The following OR9Q1 variants were observed in gnomAD, a reference collection of about 807,000 sequenced individuals.
The protein encoded by OR9Q1 is olfactory receptor family 9 subfamily Q member 1, also known as olfactory receptor 9Q1.
For missense variants in OR9Q1, 374 were observed against 378.8 expected (o/e 0.99, Z 0.11); for synonymous variants, 153 against 148.6 (o/e 1.03, Z -0.22).
rs148463462 is a variant in OR9Q1 at position 58,031,776 on chromosome 11, A to G, written c.-93+7672A>G. ...AAGGTGACCTCCTCCATCAACTTCA[A>G]CAAGGTGGTATCTGTCTTCTACTCT... On this transcript the variant is annotated intron_variant, in intron 1 of 2. Transcript: ENST00000335397. The G allele has an allele frequency of 2.6e-4, 414 of 1,613,974 alleles. 2 individuals carry two copies. In the African/African-American group the frequency reaches 5.1e-3, roughly 20 times the overall value.
chr11:58,129,236 C>T (rs1194168678), intron 2 of OR9Q1, among the ~76,000 whole-genome samples: 3 of 144,756 alleles, frequency 2.1e-5, no homozygotes, highest in Admixed American at 1.4e-4. Context: ...CAGAGCAATT[C>T]GTGTGTGTGT....
Position 58,119,371 on chromosome 11 carries a change from A to G in OR9Q1, c.-14-60060A>G, listed in dbSNP as rs778844925. 3.9e-5 allele frequency: 63 copies of G among 1,613,830 alleles called. No homozygotes were observed. In the Middle Eastern group the frequency reaches 4.9e-4, roughly 13 times the overall value. On this transcript the variant is annotated intron_variant, in intron 2 of 2. Coordinates refer to ENST00000335397, the MANE Select transcript of OR9Q1 (RefSeq NM_001005212.4). ...ACTCAGAAACACCAGAAAGAGGGGA[A>G]TCTCCAATTTGGGGTGGTCCATAAA...
At chr11:58,026,295 TC>T (rs764298315) in intron 1 of OR9Q1, among the ~76,000 whole-genome samples, 2 of 152,206 alleles carry the variant, frequency 1.3e-5, no homozygotes, top group African/African-American at 2.4e-5. Context: ...TTCAAAAATT[TC>T]CAGGAGTTAG....
intron 2 of OR9Q1, among the ~76,000 whole-genome samples, chr11:58,069,627 A>C (rs1328238044): frequency 6.6e-6 from 1 of 152,088 alleles, no homozygotes; most frequent in Non-Finnish European, 1.5e-5. Context: ...TAATCCCAGC[A>C]CTCTGGGAGG....
chr11:58,065,325 G>A (rs1252548126), intron 2 of OR9Q1, among the ~76,000 whole-genome samples: 2 of 149,372 alleles, frequency 1.3e-5, no homozygotes, highest in Admixed American at 6.7e-5. Context: ...GCAGATATCT[G>A]CATAGACAGA....
intron 2 of OR9Q1, chr11:58,118,521 G>A: frequency 2.5e-6 from 4 of 1,605,478 alleles, no homozygotes; most frequent in Non-Finnish European, 3.4e-6. Context: ...GGGACACCTG[G>A]AGTCTCCTAG....
rs1217951644 is a variant in OR9Q1, at chr11:58,050,341, AT to A, written c.-92-5528del. ...TTGACAAACCTGAGAAAAACAAGCAATGGGGAAAGGATTCCCTATTTAATAA... is the reference window on the plus strand; with the variant it reads ...TTGACAAACCTGAGAAAAACAAGCAAGGGGAAAGGATTCCCTATTTAATAA... On this transcript the variant is annotated intron_variant, in intron 1 of 2. Coordinates refer to ENST00000335397, the MANE Select transcript of OR9Q1 (RefSeq NM_001005212.4). 2.1e-5 allele frequency among the ~76,000 whole-genome samples: 3 copies of A among 145,050 alleles called. No individual in the cohort carries two copies. In the East Asian group the frequency reaches 6.1e-4, roughly 30 times the overall value.
In OR9Q1 at chr11:58,026,288, A is replaced by G. The variant is rs117897614; in HGVS notation, c.-93+2184A>G. On this transcript the variant is annotated intron_variant, in intron 1 of 2. Coordinates refer to ENST00000335397, the MANE Select transcript of OR9Q1 (RefSeq NM_001005212.4). ...ACTGAGTTAACAAATTAATAGGTTC[A>G]AAAATTTCCAGGAGTTAGATAGTTG... 1.2e-3 allele frequency among the ~76,000 whole-genome samples: 181 copies of G among 152,324 alleles called. 1 individual carries two copies. Among genetic ancestry groups the G allele is most frequent in the Non-Finnish European group, 2.2e-3 (152 of 68,020 alleles).
At chr11:58,087,983 G>A (rs1241353561) in intron 2 of OR9Q1, among the ~76,000 whole-genome samples, 3 of 151,748 alleles carry the variant, frequency 2.0e-5, no homozygotes, top group African/African-American at 7.3e-5. Context: ...TGCCTCCTGG[G>A]TTCATGCAAT....
intron 2 of OR9Q1, chr11:58,118,815 A>G (rs1398662362): frequency 1.2e-6 from 2 of 1,614,082 alleles, no homozygotes; most frequent in African/African-American, 2.7e-5. Flanking sequence ...TGACGGAGGC[A>G]TTGGCCAAAA....
chr11:58,048,241 G>A (rs541791824), intron 1 of OR9Q1, among the ~76,000 whole-genome samples: 1 of 152,280 alleles, frequency 6.6e-6, no homozygotes, highest in African/African-American at 2.4e-5. Flanking sequence ...GCACAAAGAA[G>A]TGTGGCTGAT....
chr11:58,161,239 T>TAAA (rs201839734), intron 2 of OR9Q1, among the ~76,000 whole-genome samples: 1 of 113,930 alleles, frequency 8.8e-6, no homozygotes, highest in African/African-American at 3.6e-5. Context: ...ACGTAAAGTA[T>TAAA]AAAAAAAAAA....
chr11:58,028,852 A>G (rs150052683), intron 1 of OR9Q1, among the ~76,000 whole-genome samples: 1 of 152,310 alleles, frequency 6.6e-6, no homozygotes, highest in East Asian at 1.9e-4. Flanking sequence ...TTATCTCTAC[A>G]TGCTTTCATT....
At chr11:58,040,839 G>T (rs1853154763) in intron 1 of OR9Q1, 1 of 152,264 alleles carries the variant, frequency 6.6e-6, no homozygotes, top group Non-Finnish European at 1.5e-5. Flanking sequence ...TCAGGATGGA[G>T]AAGGATGATG....
intron 1 of OR9Q1, among the ~76,000 whole-genome samples, chr11:58,028,790 C>T (rs1485329103): frequency 1.3e-5 from 2 of 152,296 alleles, no homozygotes; most frequent in Non-Finnish European, 2.9e-5. Flanking sequence ...TTAGGCATGG[C>T]GAAGACGCAC....
chr11:58,066,454 G>A (rs1239755275), intron 2 of OR9Q1, among the ~76,000 whole-genome samples: 2 of 152,080 alleles, frequency 1.3e-5, no homozygotes, highest in Non-Finnish European at 2.9e-5. Flanking sequence ...CGAGGATCTA[G>A]GCACACCTGC....
At chr11:58,071,915 G>A (rs576493443) in intron 2 of OR9Q1, among the ~76,000 whole-genome samples, 14 of 152,242 alleles carry the variant, frequency 9.2e-5, no homozygotes, top group African/African-American at 2.9e-4. Flanking sequence ...TTTTGAGGGT[G>A]GAGGGTAGGA....
chr11:58,031,308 T>C, intron 1 of OR9Q1: 1 of 1,614,184 alleles, frequency 6.2e-7, no homozygotes, highest in Non-Finnish European at 8.5e-7. Context: ...TGTTTCCTAC[T>C]GGCTGCCATG....
intron 1 of OR9Q1, among the ~76,000 whole-genome samples, chr11:58,027,607 G>A (rs980964836): frequency 4.6e-5 from 7 of 152,212 alleles, no homozygotes; most frequent in Admixed American, 1.3e-4. Context: ...GAAGTGAGTC[G>A]TTTTCTTCAG....
Sources: gnomAD v4.1 joint callset for allele counts (sites outside exome capture counted in the v4.1 genomes callset) on GRCh38, gnomAD v4.1.1 for gene constraint, MANE v1.5 for transcripts, NCBI Gene and HGNC (gene_info 2026-07-23, HGNC 2026-07-21) for gene names.